Variants in CFDP1 observed in about 807,000 individuals in gnomAD.
The protein encoded by CFDP1 is chromatin remodeling protein CFDP1.
Under a neutral mutation model 40.1 loss-of-function variants are expected in CFDP1, and 31 were observed. The ratio of observed to expected loss-of-function variants is 0.77; its 90% CI spans 0.58 to 1.04. The LOEUF is 1.04. Ranked by LOEUF, CFDP1 falls within the 50% of genes least tolerant of loss-of-function variation. CFDP1 has a pLI of 0.00. For missense variants in CFDP1, 423 were observed against 343.4 expected, an observed-to-expected ratio of 1.23 and a Z score of -1.83; for synonymous variants, 167 against 120.0, an observed-to-expected ratio of 1.39 and a Z score of -2.56.
intron 5 of CFDP1, among the ~76,000 whole-genome samples, chr16:75,393,156 AT>A (rs2078966634): frequency 6.6e-6 from 1 of 152,144 alleles, no homozygotes; most frequent in South Asian, 2.1e-4. Context: ...GAGGCTAAAC[AT>A]CCCACTCTCC....
At chr16:75,318,997 T>C (rs191333275) in intron 5 of CFDP1, among the ~76,000 whole-genome samples, 3 of 152,272 alleles carry the variant, frequency 2.0e-5, no homozygotes, top group East Asian at 1.9e-4. Flanking sequence ...ATGAAACTCA[T>C]AGGAGCCGAA....
intron 1 of CFDP1, among the ~76,000 whole-genome samples, chr16:75,422,227 G>A (rs555943268): frequency 3.4e-4 from 51 of 151,922 alleles, no homozygotes; most frequent in African/African-American, 1.2e-3. Context: ...CTCCCAAGTA[G>A]CTGGGATTAC....
intron 5 of CFDP1, among the ~76,000 whole-genome samples, chr16:75,311,882 G>A (rs1294088146): frequency 6.6e-6 from 1 of 151,128 alleles, no homozygotes; most frequent in East Asian, 1.9e-4. Flanking sequence ...CGGGACTATA[G>A]GCTCATACAA....
chr16:75,381,893 GA>G (rs962392365), intron 5 of CFDP1, among the ~76,000 whole-genome samples: 4 of 152,150 alleles, frequency 2.6e-5, no homozygotes, highest in African/African-American at 9.7e-5. Flanking sequence ...GATGCATAAA[GA>G]CAAGAGGCCT....
rs1444591975 is a variant in CFDP1, at chr16:75,363,972, C to CACACAG, written c.650+31117_650+31118insCTGTGT. On this transcript the variant is annotated intron_variant, in intron 5 of 6. Coordinates refer to ENST00000283882, the MANE Select transcript of CFDP1 (RefSeq NM_006324.3). ...ACACACACACACACACACACACACA[C>CACACAG]AGCCATGCAATTACAAATTGAGGTA... Among the ~76,000 whole-genome samples the CACACAG allele has an allele frequency of 2.0e-3, 298 of 151,726 alleles. 4 individuals are homozygous for CACACAG. Among genetic ancestry groups the CACACAG allele is most frequent in the Middle Eastern group, 6.8e-3 (2 of 294 alleles).
At chr16:75,403,983 T>C (rs566544138) in intron 4 of CFDP1, among the ~76,000 whole-genome samples, 114 of 151,622 alleles carry the variant, frequency 7.5e-4, no homozygotes, top group Non-Finnish European at 1.2e-3. Context: ...AATAAAAAAC[T>C]TGGCCGGGTG....
chr16:75,339,242 G>A (rs530798123), intron 5 of CFDP1, among the ~76,000 whole-genome samples: 16 of 151,968 alleles, frequency 1.1e-4, no homozygotes, highest in Non-Finnish European at 2.2e-4. Flanking sequence ...CATTCGTCCT[G>A]CTCACTTTCT....
At chr16:75,299,198 G>A (rs1046245137) in intron 6 of CFDP1, among the ~76,000 whole-genome samples, 2 of 152,152 alleles carry the variant, frequency 1.3e-5, no homozygotes, top group African/African-American at 4.8e-5. Flanking sequence ...GACTGTCTCC[G>A]GTACAGGCAC....
At chr16:75,307,601 C>T (rs1057423666) in intron 5 of CFDP1, among the ~76,000 whole-genome samples, 2 of 152,118 alleles carry the variant, frequency 1.3e-5, no homozygotes, top group African/African-American at 4.8e-5. Flanking sequence ...CTCTGTTACC[C>T]AGGCTAGAGT....
intron 5 of CFDP1, among the ~76,000 whole-genome samples, chr16:75,343,536 T>C (rs1016827457): frequency 6.6e-6 from 1 of 152,288 alleles, no homozygotes; most frequent in Middle Eastern, 3.4e-3. Context: ...TGTATGTGTA[T>C]GACAAAACAG....
chr16:75,307,428 G>T (rs1221662636), intron 5 of CFDP1, among the ~76,000 whole-genome samples: 1 of 152,084 alleles, frequency 6.6e-6, no homozygotes, highest in African/African-American at 2.4e-5. Flanking sequence ...TGTTGGGCAG[G>T]CTGGTCTCAA....
intron 2 of CFDP1, 81 bp downstream of exon 2, chr16:75,414,497 T>C: frequency 2.4e-6 from 2 of 826,430 alleles, no homozygotes; most frequent in South Asian, 1.5e-5. Context: ...CTTCATTAAA[T>C]CTATCATGAG....
chr16:75,408,981 C>T (rs987981622), intron 4 of CFDP1, among the ~76,000 whole-genome samples: 2 of 151,734 alleles, frequency 1.3e-5, no homozygotes, highest in African/African-American at 4.8e-5. Flanking sequence ...CTTCAGCCTC[C>T]CAAGTAGCTA....
chr16:75,383,547 G>A (rs1317635960), intron 5 of CFDP1, among the ~76,000 whole-genome samples: 1 of 152,086 alleles, frequency 6.6e-6, no homozygotes, highest in Non-Finnish European at 1.5e-5. Context: ...CCAGCGAGGC[G>A]CTGTGGCTCT....
At chr16:75,406,400 T>C (rs1008482285) in intron 4 of CFDP1, among the ~76,000 whole-genome samples, 1 of 149,524 alleles carries the variant, frequency 6.7e-6, no homozygotes, top group Non-Finnish European at 1.5e-5. Flanking sequence ...AAATAAAATA[T>C]TAAAAATAAA....
At chr16:75,388,667 G>A (rs562119345) in intron 5 of CFDP1, among the ~76,000 whole-genome samples, 1 of 152,274 alleles carries the variant, frequency 6.6e-6, no homozygotes, top group Admixed American at 6.5e-5. Context: ...CAAATGAGGA[G>A]ACTGGGAGAG....
rs1366624984 is a variant in CFDP1, at chr16:75,348,013, A to C, written c.651-42831T>G. 2.0e-5 allele frequency among the ~76,000 whole-genome samples: 3 copies of C among 152,222 alleles called. No individual in the cohort carries two copies. The East Asian group carries it at 5.8e-4, about 29-fold the overall frequency. ...GACTAAGGAGACATGACAACTAACT[A>C]AATGTGGAAAATGGGTTTGGGTCCT... On this transcript the variant is annotated intron_variant, in intron 5 of 6. Transcript: ENST00000283882.
At chr16:75,301,400 G>A (rs1216374005) in intron 6 of CFDP1, among the ~76,000 whole-genome samples, 1 of 152,112 alleles carries the variant, frequency 6.6e-6, no homozygotes, top group Non-Finnish European at 1.5e-5. Context: ...AGGCTGGAGC[G>A]TCGAGGAGGT....
At chr16:75,386,657 G>A (rs1478859902) in intron 5 of CFDP1, among the ~76,000 whole-genome samples, 8 of 152,108 alleles carry the variant, frequency 5.3e-5, no homozygotes, top group Middle Eastern at 3.2e-3. Flanking sequence ...CCTGGGAGGC[G>A]AAGGCTGCAG....
Sources: gnomAD v4.1 joint callset for allele counts (sites outside exome capture counted in the v4.1 genomes callset) on GRCh38, gnomAD v4.1.1 for gene constraint, MANE v1.5 for transcripts, NCBI Gene and HGNC (gene_info 2026-07-23, HGNC 2026-07-21) for gene names.